Variants in LRRC4C observed in about 807,000 individuals in gnomAD.
LRRC4C encodes leucine rich repeat containing 4C.
A neutral mutation model predicts 33.6 loss-of-function variants in LRRC4C; 5 were observed. That is an observed-to-expected ratio of 0.15 (90% CI 0.08 to 0.31). The LOEUF is 0.31. Ranked by LOEUF, LRRC4C falls within the 10% of genes least tolerant of loss-of-function variation. LRRC4C has a pLI of 1.00. For missense variants in LRRC4C, 560 were observed against 796.7 expected (o/e 0.70, Z 3.58); for synonymous variants, 329 against 302.0 (o/e 1.09, Z -0.93).
chr11:40,700,829 A>G (rs1223703369), intron 2 of LRRC4C, among the ~76,000 whole-genome samples: 1 of 152,206 alleles, frequency 6.6e-6, no homozygotes, highest in Non-Finnish European at 1.5e-5. Flanking sequence ...TCTGTATTTT[A>G]GAAAAAGCCA....
At chr11:40,585,579 G>A (rs1294756049) in intron 3 of LRRC4C, among the ~76,000 whole-genome samples, 5 of 144,692 alleles carry the variant, frequency 3.5e-5, no homozygotes, top group East Asian at 2.1e-4. Context: ...CCACTAACTC[G>A]TCATCTAGCA....
chr11:41,122,314 C>G (rs1303364358), intron 1 of LRRC4C, among the ~76,000 whole-genome samples: 1 of 151,950 alleles, frequency 6.6e-6, no homozygotes, highest in Non-Finnish European at 1.5e-5. Context: ...ACAAGTCTAC[C>G]CTCAAGTTTT....
intron 1 of LRRC4C, among the ~76,000 whole-genome samples, chr11:41,446,083 G>A (rs1955817727): frequency 6.6e-6 from 1 of 152,052 alleles, no homozygotes; most frequent in Non-Finnish European, 1.5e-5. Context: ...AGTGAATGAA[G>A]GTCAAGCTCC....
At chr11:40,356,026 GACTCA>G (rs1947652996) in intron 3 of LRRC4C, among the ~76,000 whole-genome samples, 1 of 149,362 alleles carries the variant, frequency 6.7e-6, no homozygotes, top group Non-Finnish European at 1.5e-5. Flanking sequence ...TGAGAAGTCA[GACTCA>G]ATGGGTGTGT....
Position 40,715,797 on chromosome 11 carries a change from G to A in LRRC4C, c.-406-67519C>T, listed in dbSNP as rs570955533. Reference sequence around the variant, plus strand: ...CCCAGCACTTTGGGAGGCTGAGGCCGGCGGATCGCGTGAGGTCAGGAGTTC... The same window carrying A: ...CCCAGCACTTTGGGAGGCTGAGGCCAGCGGATCGCGTGAGGTCAGGAGTTC... On this transcript the variant is annotated intron_variant, in intron 2 of 6. Coordinates refer to ENST00000528697, the MANE Select transcript of LRRC4C (RefSeq NM_001258419.2). Among the ~76,000 whole-genome samples the A allele has an allele frequency of 1.7e-4, 26 of 152,284 alleles. No individual in the cohort carries two copies. In the South Asian group the frequency reaches 3.9e-3, roughly 23 times the overall value.
At chr11:40,932,790 A>G (rs189941831) in intron 2 of LRRC4C, among the ~76,000 whole-genome samples, 47 of 152,262 alleles carry the variant, frequency 3.1e-4, no homozygotes, top group African/African-American at 1.0e-3. Flanking sequence ...CCCATGGAGA[A>G]TAGAGATTTT....
chr11:41,366,909 C>T (rs939719662), intron 1 of LRRC4C, among the ~76,000 whole-genome samples: 1 of 152,088 alleles, frequency 6.6e-6, no homozygotes, highest in African/African-American at 2.4e-5. Context: ...TTTGTCAAGG[C>T]AGTTCTAGCA....
intron 1 of LRRC4C, among the ~76,000 whole-genome samples, chr11:41,137,904 C>T (rs61878615): frequency 0.13 from 19,769 of 152,130 alleles, 1,369 homozygotes; most frequent in Middle Eastern, 0.16. Context: ...CTTTTGGACC[C>T]AGGTGGGAGG....
chr11:40,970,845 G>A (rs72886523), intron 1 of LRRC4C, among the ~76,000 whole-genome samples: 6,448 of 152,282 alleles, frequency 0.042, 153 homozygotes, highest in Non-Finnish European at 0.066. Flanking sequence ...TTAGCAAAGG[G>A]TTTAGCTGTT....
intron 1 of LRRC4C, among the ~76,000 whole-genome samples, chr11:41,047,850 T>C (rs1285447191): frequency 6.6e-6 from 1 of 152,124 alleles, no homozygotes; most frequent in Non-Finnish European, 1.5e-5. Flanking sequence ...ATGGTGTCCC[T>C]CACCTTGATG....
chr11:40,356,970 TTCAAGG>T (rs1277698492), intron 3 of LRRC4C, among the ~76,000 whole-genome samples: 43 of 152,292 alleles, frequency 2.8e-4, no homozygotes, highest in Admixed American at 2.0e-3. Flanking sequence ...AAGTAACTTG[TTCAAGG>T]TCACAAAGCT....
At chr11:40,701,289 C>T (rs185231047) in intron 2 of LRRC4C, among the ~76,000 whole-genome samples, 306 of 152,096 alleles carry the variant, frequency 2.0e-3, no homozygotes, top group Non-Finnish European at 3.6e-3. Flanking sequence ...GATTATTTCC[C>T]TGTAGGGCAG....
At chr11:40,209,052 G>A (rs969710135) in intron 5 of LRRC4C, among the ~76,000 whole-genome samples, 4 of 151,676 alleles carry the variant, frequency 2.6e-5, no homozygotes, top group African/African-American at 9.7e-5. Context: ...ATAAAGGATT[G>A]TGCACCTGTA....
intron 1 of LRRC4C, among the ~76,000 whole-genome samples, chr11:40,964,400 AG>A (rs1851188235): frequency 6.6e-6 from 1 of 151,872 alleles, no homozygotes; most frequent in South Asian, 2.1e-4. Context: ...GTTAAGTTTT[AG>A]GCTACATGTG....
At chr11:40,133,847 A>T (rs985162283) in intron 6 of LRRC4C, among the ~76,000 whole-genome samples, 3 of 152,184 alleles carry the variant, frequency 2.0e-5, no homozygotes, top group Non-Finnish European at 4.4e-5. Context: ...GAGAGAAAAA[A>T]AAACAGGCAC....
chr11:40,165,961 C>A (rs941847626), intron 5 of LRRC4C, among the ~76,000 whole-genome samples: 1 of 151,968 alleles, frequency 6.6e-6, no homozygotes, highest in Non-Finnish European at 1.5e-5. Flanking sequence ...AACAAACAAA[C>A]AAAAAACAAA....
intron 3 of LRRC4C, among the ~76,000 whole-genome samples, chr11:40,554,564 T>A (rs542234070): frequency 1.7e-4 from 26 of 152,282 alleles, no homozygotes; most frequent in African/African-American, 6.3e-4. Context: ...TATGGCCATG[T>A]TAACAATACT....
intron 2 of LRRC4C, among the ~76,000 whole-genome samples, chr11:40,888,770 C>T (rs749918230): frequency 2.3e-4 from 35 of 151,788 alleles, no homozygotes; most frequent in Non-Finnish European, 4.3e-4. Flanking sequence ...CAAATATGTC[C>T]GAGATCTTTG....
intron 1 of LRRC4C, among the ~76,000 whole-genome samples, chr11:41,102,188 TGAA>T (rs1159469173): frequency 6.6e-6 from 1 of 151,992 alleles, no homozygotes; most frequent in Admixed American, 6.6e-5. Context: ...GCTTATGGAA[TGAA>T]GAAGAAACTT....
Sources: allele counts gnomAD v4.1 joint callset (sites outside exome capture counted in the v4.1 genomes callset), GRCh38; gene constraint gnomAD v4.1.1; transcripts MANE v1.5; gene names NCBI Gene and HGNC (gene_info 2026-07-23, HGNC 2026-07-21).